Variants in ATP8A2 observed in about 807,000 individuals in gnomAD.
ATP8A2 encodes the protein ATPase phospholipid transporting 8A2.
ATP8A2 carries 100 observed loss-of-function variants against 165.6 expected under a neutral mutation model. The ratio of observed to expected loss-of-function variants is 0.60; its 90% CI spans 0.51 to 0.71. The LOEUF (loss-of-function observed/expected upper bound fraction) is 0.71, where lower values mean the gene tolerates loss of function less well. ATP8A2 is among the 30% of genes least tolerant of loss of function. ATP8A2 has a pLI of 0.00. For missense variants in ATP8A2, 1,227 were observed against 1,479.5 expected (o/e 0.83, Z 2.80); for synonymous variants, 543 against 548.8 (o/e 0.99, Z 0.15).
At chr13:25,565,771 T>TC (rs1435356903) in intron 16 of ATP8A2, among the ~76,000 whole-genome samples, 1 of 151,850 alleles carries the variant, frequency 6.6e-6, no homozygotes, top group East Asian at 1.9e-4. Flanking sequence ...TTATCACATT[T>TC]TTTTTTATTG....
At chr13:25,694,271 G>A (rs1566054620) in intron 24 of ATP8A2, among the ~76,000 whole-genome samples, 1 of 151,998 alleles carries the variant, frequency 6.6e-6, no homozygotes, top group Non-Finnish European at 1.5e-5. Flanking sequence ...ACATTTCAGA[G>A]ATTTTTATTC....
At chr13:26,007,694 A>G (rs11842613) in intron 35 of ATP8A2, among the ~76,000 whole-genome samples, 6,538 of 152,248 alleles carry the variant, frequency 0.043, 417 homozygotes, top group African/African-American at 0.14. Context: ...AGAACGAGAA[A>G]TAAATCCAGA....
chr13:25,769,284 A>G (rs771671925), intron 26 of ATP8A2, 55 bp downstream of exon 26: 133 of 1,544,868 alleles, frequency 8.6e-5, no homozygotes, highest in Non-Finnish European at 1.2e-4. Context: ...ATAGCTGGGC[A>G]TGAGGACCTG....
intron 6 of ATP8A2, among the ~76,000 whole-genome samples, chr13:25,537,699 T>C (rs184468081): frequency 8.6e-4 from 131 of 152,320 alleles, no homozygotes; most frequent in African/African-American, 3.1e-3. Flanking sequence ...AATGGATGCA[T>C]AATTGTAAGA....
At chr13:25,963,338 G>A (rs572398153) in intron 34 of ATP8A2, among the ~76,000 whole-genome samples, 1 of 149,598 alleles carries the variant, frequency 6.7e-6, no homozygotes, top group South Asian at 2.1e-4. Context: ...AGGTTGCAGT[G>A]AGCTGAGATC....
chr13:25,829,668 G>GTATATATATATATA lies in ATP8A2; in HGVS notation c.2754+1516_2754+1529dup, dbSNP rs71080203. Among the ~76,000 whole-genome samples, 38 of 63,398 alleles carry GTATATATATATATA rather than the reference G, an allele frequency of 6.0e-4. 1 individual carries two copies. The highest frequency in any genetic ancestry group is 8.8e-4 in the Non-Finnish European group (28 of 31,912). 41.6% of individuals were successfully genotyped at this position (63,398 alleles called of 152,430 possible). A position where few individuals can be genotyped will look rare whatever the true frequency, so the allele number is the denominator to read the frequency against. On this transcript the variant is annotated intron_variant, in intron 28 of 36. Transcript: ENST00000381655. ...TGTTGTAGAGCCAAGGACAGGTGTG[G>GTATATATATATATA]TATATATATATATATATATATATAT...
At chr13:25,837,582 C>T (rs190789134) in intron 29 of ATP8A2, among the ~76,000 whole-genome samples, 1 of 152,186 alleles carries the variant, frequency 6.6e-6, no homozygotes, top group South Asian at 2.1e-4. Context: ...CCCGTCAGCC[C>T]CTGACATCAG....
intron 24 of ATP8A2, among the ~76,000 whole-genome samples, chr13:25,636,652 C>T (rs1271279554): frequency 2.0e-5 from 3 of 152,090 alleles, no homozygotes; most frequent in African/African-American, 4.8e-5. Context: ...CTTTTGGTTC[C>T]ACCTGCTCTT....
At chr13:25,950,353 T>C (rs1955322502) in intron 33 of ATP8A2, among the ~76,000 whole-genome samples, 2 of 152,066 alleles carry the variant, frequency 1.3e-5, no homozygotes, top group Admixed American at 6.5e-5. Flanking sequence ...AACATTTTGG[T>C]CTCTAAAATT....
chr13:25,475,449 T>C (rs1229075112), intron 2 of ATP8A2, among the ~76,000 whole-genome samples: 3 of 152,336 alleles, frequency 2.0e-5, no homozygotes, highest in Non-Finnish European at 4.4e-5. Context: ...TCCATGTCAT[T>C]GCTATTGTGA....
intron 2 of ATP8A2, among the ~76,000 whole-genome samples, chr13:25,511,890 C>CTT (rs34703609): frequency 7.8e-5 from 11 of 140,724 alleles, no homozygotes; most frequent in South Asian, 2.3e-4. Flanking sequence ...CTGTGGAACT[C>CTT]TTTTTTTTTT....
At chr13:25,506,878 T>C (rs1333843848) in intron 2 of ATP8A2, among the ~76,000 whole-genome samples, 3 of 150,868 alleles carry the variant, frequency 2.0e-5, no homozygotes, top group Non-Finnish European at 4.4e-5. Flanking sequence ...TTAGAGCATT[T>C]CAAATTTCAG....
rs1057292015 is a variant in ATP8A2, at chr13:25,586,308, T to G, written c.2147-3327T>G. 5.3e-5 allele frequency among the ~76,000 whole-genome samples: 8 copies of G among 151,864 alleles called. 1 individual carries two copies. Among genetic ancestry groups the G allele is most frequent in the South Asian group, 2.1e-4 (1 of 4,794 alleles). On this transcript the variant is annotated intron_variant, in intron 23 of 36. Coordinates refer to ENST00000381655, the MANE Select transcript of ATP8A2 (RefSeq NM_016529.6). The stretch of plus-strand genomic sequence containing the variant: ...GAGTTTAAAACTTGAGCCTTCAGAG[T>G]TTGTTTAAAACAAAAATGACTGAGA...
At chr13:25,516,587 T>C (rs1406992847) in intron 2 of ATP8A2, among the ~76,000 whole-genome samples, 1 of 152,202 alleles carries the variant, frequency 6.6e-6, no homozygotes, top group East Asian at 1.9e-4. Flanking sequence ...TGAATTGTAA[T>C]GATTCCTGTA....
intron 25 of ATP8A2, among the ~76,000 whole-genome samples, chr13:25,733,460 TG>T (rs1478968574): frequency 6.6e-6 from 1 of 152,138 alleles, no homozygotes; most frequent in African/African-American, 2.4e-5. Context: ...TCATTTTTCA[TG>T]GTGTGCTCTG....
At chr13:25,643,037 G>T (rs1345189149) in intron 24 of ATP8A2, among the ~76,000 whole-genome samples, 1 of 152,236 alleles carries the variant, frequency 6.6e-6, no homozygotes, top group Middle Eastern at 3.4e-3. Context: ...CACAGGAAGG[G>T]GAACATCATA....
At chr13:25,492,392 G>T (rs1351550594) in intron 2 of ATP8A2, among the ~76,000 whole-genome samples, 1 of 152,112 alleles carries the variant, frequency 6.6e-6, no homozygotes, top group Non-Finnish European at 1.5e-5. Context: ...TTTGCTGTTT[G>T]TTTCTTTTTT....
At chr13:25,648,083 A>T (rs2041721381) in intron 24 of ATP8A2, among the ~76,000 whole-genome samples, 1 of 152,076 alleles carries the variant, frequency 6.6e-6, no homozygotes, top group Non-Finnish European at 1.5e-5. Flanking sequence ...ATGATATCCC[A>T]TAATTTTCAT....
chr13:25,477,616 C>T (rs1013692425), intron 2 of ATP8A2, among the ~76,000 whole-genome samples: 1 of 152,192 alleles, frequency 6.6e-6, no homozygotes, highest in Non-Finnish European at 1.5e-5. Flanking sequence ...GATGTCAACT[C>T]TATTATTTTT....
Sources: gnomAD v4.1 joint callset for allele counts (sites outside exome capture counted in the v4.1 genomes callset) on GRCh38, gnomAD v4.1.1 for gene constraint, MANE v1.5 for transcripts, NCBI Gene and HGNC (gene_info 2026-07-23, HGNC 2026-07-21) for gene names.